Variants in DGKB observed in about 807,000 individuals in gnomAD.
DGKB encodes 90 kDa diacylglycerol kinase.
A neutral mutation model predicts 114.3 loss-of-function variants in DGKB; 67 were observed. That is an observed-to-expected ratio of 0.59 (90% confidence interval 0.48 to 0.72). The LOEUF (loss-of-function observed/expected upper bound fraction) is 0.72. DGKB is among the 30% of genes least tolerant of loss of function. The probability of loss-of-function intolerance (pLI) is 0.00; values close to 1 mark genes in which losing one functional copy is unlikely to be tolerated. For missense variants in DGKB, 907 were observed against 975.2 expected (o/e 0.93, Z 0.93); for synonymous variants, 398 against 323.1 (o/e 1.23, Z -2.49).
chr7:14,156,915 A>AATGC (rs1427871741), intron 25 of DGKB, among the ~76,000 whole-genome samples: 1 of 152,092 alleles, frequency 6.6e-6, no homozygotes, highest in East Asian at 1.9e-4. Context: ...ATTTGGCTTA[A>AATGC]ATGCATTCTC....
chr7:14,753,227 G>A (rs1834367346), intron 4 of DGKB, among the ~76,000 whole-genome samples: 1 of 152,168 alleles, frequency 6.6e-6, no homozygotes, highest in East Asian at 1.9e-4. Context: ...CAATATTACG[G>A]TTTTAGATAA....
At chr7:14,412,980 CAA>C (rs34787132) in intron 21 of DGKB, among the ~76,000 whole-genome samples, 195 of 141,530 alleles carry the variant, frequency 1.4e-3, no homozygotes, top group Non-Finnish European at 1.5e-3. Context: ...GACTCCAGCT[CAA>C]AAAAAAAAAA....
At chr7:14,854,724 TG>T (rs1046392768) in intron 1 of DGKB, among the ~76,000 whole-genome samples, 1 of 152,140 alleles carries the variant, frequency 6.6e-6, no homozygotes, top group Non-Finnish European at 1.5e-5. Context: ...GCCTGTGGGC[TG>T]GGGACCCCTG....
intron 21 of DGKB, among the ~76,000 whole-genome samples, chr7:14,468,656 G>A (rs1780837655): frequency 6.6e-6 from 1 of 151,398 alleles, no homozygotes; most frequent in Non-Finnish European, 1.5e-5. Context: ...AATACTTCCT[G>A]AAAGTTTGCG....
At chr7:14,325,236 G>C (rs6961153) in intron 23 of DGKB, among the ~76,000 whole-genome samples, 134,337 of 152,162 alleles carry the variant, frequency 0.88, 59,585 homozygotes, top group African/African-American at 0.97. Context: ...CAGGTACAAC[G>C]TGAACTGGTT....
intron 1 of DGKB, among the ~76,000 whole-genome samples, chr7:14,947,585 T>C (rs1785954637): frequency 1.4e-5 from 1 of 72,076 alleles, no homozygotes; most frequent in Non-Finnish European, 2.5e-5. Context: ...AAAAATGTTC[T>C]TCCTCATATA....
intron 19 of DGKB, among the ~76,000 whole-genome samples, chr7:14,575,832 G>A (rs1418219340): frequency 2.6e-5 from 4 of 152,088 alleles, no homozygotes; most frequent in Non-Finnish European, 5.9e-5. Context: ...CCTCATTAGA[G>A]CTATTAGCAT....
chr7:14,259,348 C>CA (rs1268101661), intron 23 of DGKB, among the ~76,000 whole-genome samples: 1 of 151,138 alleles, frequency 6.6e-6, no homozygotes, highest in Non-Finnish European at 1.5e-5. Flanking sequence ...CGTGTTCATT[C>CA]AAAATATAGT....
intron 4 of DGKB, among the ~76,000 whole-genome samples, chr7:14,749,622 T>C (rs1205121478): frequency 6.6e-6 from 1 of 152,190 alleles, no homozygotes; most frequent in Non-Finnish European, 1.5e-5. Flanking sequence ...TATAGCTAAC[T>C]GTTTTATTCT....
At position 14,567,769 on chromosome 7, in the gene DGKB, G is replaced by C. The variant is rs1035975112; in HGVS notation, c.1770+6443C>G. Among the ~76,000 whole-genome samples, 5 of 150,516 alleles carry C rather than the reference G, an allele frequency of 3.3e-5. No individual in the cohort carries two copies. In the Admixed American group the frequency reaches 3.4e-4, roughly 10 times the overall value. The stretch of plus-strand genomic sequence containing the variant: ...CTACAGGCATGTGCCTCCATGCCCA[G>C]CTAATTTTTGTATTTTTAGTAGAGG... On this transcript the variant is annotated intron_variant, in intron 20 of 25. Coordinates refer to ENST00000402815, the MANE Select transcript of DGKB (RefSeq NM_001350709.2).
chr7:14,410,035 A>C (rs967582137), intron 21 of DGKB, among the ~76,000 whole-genome samples: 1 of 152,064 alleles, frequency 6.6e-6, no homozygotes, highest in Non-Finnish European at 1.5e-5. Flanking sequence ...AAAGTTAAAG[A>C]TAGATTTTTG....
At chr7:14,168,104 G>A (rs1032866872) in intron 25 of DGKB, among the ~76,000 whole-genome samples, 3 of 151,966 alleles carry the variant, frequency 2.0e-5, no homozygotes, top group Admixed American at 2.0e-4. Context: ...CCTGAACTGA[G>A]AAATAGAAGA....
chr7:14,784,016 T>C (rs1839496656), intron 2 of DGKB, among the ~76,000 whole-genome samples: 1 of 152,230 alleles, frequency 6.6e-6, no homozygotes. Flanking sequence ...AAATATTCAA[T>C]ATTGAATTTT....
At chr7:14,411,364 C>A (rs1484804052) in intron 21 of DGKB, among the ~76,000 whole-genome samples, 1 of 152,122 alleles carries the variant, frequency 6.6e-6, no homozygotes, top group East Asian at 1.9e-4. Flanking sequence ...AGTCAAGGAG[C>A]ATTTGTATCT....
chr7:14,675,516 G>A (rs915830448), intron 12 of DGKB, among the ~76,000 whole-genome samples: 6 of 152,022 alleles, frequency 3.9e-5, no homozygotes, highest in African/African-American at 1.4e-4. Flanking sequence ...GAGTGTGTGT[G>A]AAGGGGCAAC....
intron 21 of DGKB, among the ~76,000 whole-genome samples, chr7:14,418,283 G>C (rs1438548355): frequency 8.3e-6 from 1 of 120,254 alleles, no homozygotes; most frequent in African/African-American, 2.9e-5. Flanking sequence ...TTTTATATAT[G>C]TGTGTATATA....
chr7:14,565,781 A>T (rs1469823017), intron 20 of DGKB, among the ~76,000 whole-genome samples: 1 of 152,128 alleles, frequency 6.6e-6, no homozygotes, highest in East Asian at 1.9e-4. Context: ...TTACTAGAAG[A>T]TATTCTAGGA....
intron 23 of DGKB, among the ~76,000 whole-genome samples, chr7:14,252,457 C>T (rs1008034694): frequency 6.6e-6 from 1 of 152,156 alleles, no homozygotes; most frequent in Non-Finnish European, 1.5e-5. Context: ...TCATAGACTA[C>T]TCAGGAAGGG....
At chr7:14,406,066 A>G (rs1583690426) in intron 21 of DGKB, among the ~76,000 whole-genome samples, 1 of 152,016 alleles carries the variant, frequency 6.6e-6, no homozygotes, top group African/African-American at 2.4e-5. Context: ...ATTCAAGAGA[A>G]GTTGGATCCA....
Sources: allele counts gnomAD v4.1 joint callset (sites outside exome capture counted in the v4.1 genomes callset), GRCh38; gene constraint gnomAD v4.1.1; transcripts MANE v1.5; gene names NCBI Gene and HGNC (gene_info 2026-07-23, HGNC 2026-07-21).